Variants in SLC22A16 observed in about 807,000 individuals in gnomAD.
SLC22A16 encodes solute carrier family 22 member 16, also known as WUGSC:RG331P03.1.
SLC22A16 carries 53 observed loss-of-function variants against 52.9 expected under a neutral mutation model. The ratio of observed to expected loss-of-function variants is 1.00; its 90% CI spans 0.80 to 1.26. The LOEUF is 1.26. Among genes scored for constraint, SLC22A16 ranks in the 50% most tolerant of loss-of-function variants. The pLI is 0.00. For missense variants in SLC22A16, 726 were observed against 704.0 expected (o/e 1.03, Z -0.35); for synonymous variants, 291 against 268.8 (o/e 1.08, Z -0.81).
intron 2 of SLC22A16, among the ~76,000 whole-genome samples, chr6:110,448,005 T>C (rs1381778717): frequency 1.3e-5 from 2 of 152,210 alleles, no homozygotes; most frequent in African/African-American, 4.8e-5. Flanking sequence ...TTCTCTTGGG[T>C]ATATACCTAG....
rs1775020563 is a variant in SLC22A16 at position 110,442,659 on chromosome 6, C to T, written c.768G>A (p.Leu256=). The change falls in exon 4 of 8, where the codon CTG becomes CTA. Residue 256 remains leucine, a synonymous_variant. Transcript: ENST00000368919. The part of the protein sequence containing the change: ...LHSFFAVGTL[L]VALTGYLVRT... ...TGACCAAGTATCCTGTCAAAGCCAC[C>T]AGCAGGGTTCCAACTGCAAAAAAGG... 6.2e-7 allele frequency: 1 copy of T among 1,614,112 alleles called. No homozygotes were observed. Among genetic ancestry groups the T allele is most frequent in the Non-Finnish European group, 8.5e-7 (1 of 1,179,992 alleles).
intron 4 of SLC22A16, 53 bp downstream of exon 4, chr6:110,442,191 A>G: frequency 6.5e-7 from 1 of 1,534,768 alleles, no homozygotes; most frequent in Non-Finnish European, 8.8e-7. Context: ...CACACACACA[A>G]ATGGTAGAAA....
intron 1 of SLC22A16, among the ~76,000 whole-genome samples, chr6:110,464,499 T>C (rs1333155402): frequency 2.6e-5 from 4 of 151,932 alleles, no homozygotes; most frequent in African/African-American, 7.2e-5. Context: ...CAAAGGATCA[T>C]CAGAGACTAC....
chr6:110,429,092 A>G (rs775809273), intron 7 of SLC22A16, among the ~76,000 whole-genome samples: 19 of 152,144 alleles, frequency 1.2e-4, no homozygotes, highest in Non-Finnish European at 2.6e-4. Flanking sequence ...TTATATTTGC[A>G]TGTTTCAACT....
rs375950473 is a variant in SLC22A16 at position 110,454,326 on chromosome 6, C to T, written c.533+2212G>A. ...GGAGGCTGTCTCTTTCAACAAATTC[C>T]GCCGAGAGAATACAGACACTGGGAG... On this transcript the variant is annotated intron_variant, in intron 2 of 7. Transcript: ENST00000368919. Among the ~76,000 whole-genome samples, 27 of 151,674 alleles carry T rather than the reference C, an allele frequency of 1.8e-4. No homozygotes were observed. In the South Asian group the frequency reaches 4.6e-3, roughly 26 times the overall value.
chr6:110,441,188 C>T (rs1372675817), intron 4 of SLC22A16, among the ~76,000 whole-genome samples: 1 of 152,138 alleles, frequency 6.6e-6, no homozygotes. Context: ...TGTTTATGCC[C>T]TAATTGACAA....
chr6:110,472,566 C>T (rs886583039), intron 1 of SLC22A16, among the ~76,000 whole-genome samples: 3 of 152,168 alleles, frequency 2.0e-5, no homozygotes, highest in Admixed American at 1.3e-4. Flanking sequence ...ACACACTTTC[C>T]ATGTGCTAGA....
intron 1 of SLC22A16, among the ~76,000 whole-genome samples, chr6:110,463,631 G>C (rs1775969367): frequency 6.7e-6 from 1 of 149,610 alleles, no homozygotes; most frequent in Non-Finnish European, 1.5e-5. Context: ...AGAGCACCCA[G>C]ATTTATAAAA....
rs1464092975 is a variant in SLC22A16, at chr6:110,442,787, AT to A, written c.652-13del. On this transcript the variant is annotated splice_polypyrimidine_tract_variant and intron_variant, in intron 3 of 7. Coordinates refer to ENST00000368919, the MANE Select transcript of SLC22A16 (RefSeq NM_033125.4). ...TAGCCACTTGCAACCTGAAAAACAA[AT>A]AATAGGGATTTATATTCAAGGTCAC... The A allele has an allele frequency of 1.2e-6, 2 of 1,606,476 alleles. No individual in the cohort carries two copies. Among genetic ancestry groups the A allele is most frequent in the Non-Finnish European group, 1.7e-6 (2 of 1,176,650 alleles).
chr6:110,475,123 A>T (rs554279771), intron 1 of SLC22A16: 1 of 405,884 alleles, frequency 2.5e-6, no homozygotes, highest in East Asian at 7.0e-5. Flanking sequence ...ATCCAGCCTT[A>T]AAACTGATCT....
chr6:110,430,644 C>T (rs9481070), intron 7 of SLC22A16, among the ~76,000 whole-genome samples: 8,296 of 152,232 alleles, frequency 0.054, 453 homozygotes, highest in East Asian at 0.14. Context: ...GCAAACTAAG[C>T]GTCCCTGCTC....
intron 1 of SLC22A16, among the ~76,000 whole-genome samples, chr6:110,468,180 G>A (rs1776136260): frequency 6.6e-6 from 1 of 152,260 alleles, no homozygotes; most frequent in Non-Finnish European, 1.5e-5. Context: ...CGGGAAGTAA[G>A]TAGTGTTCTT....
intron 4 of SLC22A16, among the ~76,000 whole-genome samples, chr6:110,441,654 T>C (rs1271982212): frequency 6.6e-6 from 1 of 152,172 alleles, no homozygotes; most frequent in African/African-American, 2.4e-5. Context: ...AACCAAAGCT[T>C]TTGTAGAAAA....
At chr6:110,466,974 C>A (rs1776091874) in intron 1 of SLC22A16, among the ~76,000 whole-genome samples, 1 of 138,694 alleles carries the variant, frequency 7.2e-6, no homozygotes, top group Non-Finnish European at 1.6e-5. Context: ...GATAGATAAT[C>A]TGCATTCAAT....
chr6:110,453,674 C>T (rs1429054892), intron 2 of SLC22A16: 2 of 456,102 alleles, frequency 4.4e-6, no homozygotes, highest in Non-Finnish European at 8.8e-6. Flanking sequence ...TGGTTTTGTA[C>T]CAAGCAGTTA....
chr6:110,442,507 A>AT lies in SLC22A16; in HGVS notation c.919dup (p.Ile307AsnfsTer3). The AT allele has an allele frequency of 6.2e-7, 1 of 1,614,192 alleles. No homozygotes were observed. Among genetic ancestry groups the AT allele is most frequent in the Non-Finnish European group, 8.5e-7 (1 of 1,180,036 alleles). ...GTTCCACTTGGCCATGATGTCAACT[A>AT]TTTTTTGTGCTTCTTCATATCGTCC... On this transcript the variant is annotated frameshift_variant, in exon 4 of 8. Transcript: ENST00000368919. LOFTEE classifies it high-confidence loss of function.
chr6:110,465,178 G>A lies in SLC22A16; in HGVS notation c.54-8161C>T, dbSNP rs530749533. On this transcript the variant is annotated intron_variant, in intron 1 of 7. Coordinates refer to ENST00000368919, the MANE Select transcript of SLC22A16 (RefSeq NM_033125.4). ...AATAAGAGCCATATATAACAAACCC[G>A]TAGCCAACATCATACTGAATGGGGA... Among the ~76,000 whole-genome samples, 393 of 150,908 alleles carry A rather than the reference G, an allele frequency of 2.6e-3. 1 individual carries two copies. The highest frequency in any genetic ancestry group is 4.9e-3 in the Non-Finnish European group (332 of 67,714).
At chr6:110,460,974 G>C (rs1775858644) in intron 1 of SLC22A16, among the ~76,000 whole-genome samples, 1 of 152,174 alleles carries the variant, frequency 6.6e-6, no homozygotes, top group South Asian at 2.1e-4. Flanking sequence ...CATGGAGAGG[G>C]GACTATTTCC....
rs1775657384 is a variant in SLC22A16, at chr6:110,456,483, C to T, written c.533+55G>A. 4 of 1,563,322 alleles carry T rather than the reference C, an allele frequency of 2.6e-6. 1 individual carries two copies. The Admixed American group carries it at 7.7e-5, about 30-fold the overall frequency. ...ATAATTCCTTGTGTCCCAAGAAAAC[C>T]AGATAGGAAAATAAACCCTACACTG... On this transcript the variant is annotated intron_variant, in intron 2 of 7. Coordinates refer to ENST00000368919, the MANE Select transcript of SLC22A16 (RefSeq NM_033125.4).
Sources: allele counts gnomAD v4.1 joint callset (sites outside exome capture counted in the v4.1 genomes callset), GRCh38; gene constraint gnomAD v4.1.1; transcripts MANE v1.5; gene names NCBI Gene and HGNC (gene_info 2026-07-23, HGNC 2026-07-21).